TXNDC16: variants seen among roughly 807,000 people sequenced by gnomAD.
The protein encoded by TXNDC16 is thioredoxin domain-containing protein 16.
In TXNDC16, 74 loss-of-function variants were observed where a neutral mutation model predicts 85.6. The ratio of observed to expected loss-of-function variants is 0.86; its 90% CI spans 0.72 to 1.05. The LOEUF (loss-of-function observed/expected upper bound fraction) is 1.05, where lower values mean the gene tolerates loss of function less well. TXNDC16 is among the 50% of genes least tolerant of loss of function. The pLI is 0.00. For missense variants in TXNDC16, 959 were observed against 947.0 expected (o/e 1.01, Z -0.17); for synonymous variants, 335 against 326.5 (o/e 1.03, Z -0.28).
At chr14:52,504,047 C>A (rs139321038) in intron 9 of TXNDC16, among the ~76,000 whole-genome samples, 2,035 of 152,240 alleles carry the variant, frequency 0.013, 44 homozygotes, top group African/African-American at 0.046. Flanking sequence ...AAGAACAAAG[C>A]ATCCAAGAAA....
intron 17 of TXNDC16, among the ~76,000 whole-genome samples, chr14:52,456,318 G>C (rs1412737542): frequency 6.6e-6 from 1 of 152,152 alleles, no homozygotes. Flanking sequence ...AATGACAGCA[G>C]AGTAGAAGAT....
intron 6 of TXNDC16, among the ~76,000 whole-genome samples, chr14:52,528,967 T>A (rs998067058): frequency 6.1e-5 from 9 of 147,768 alleles, no homozygotes; most frequent in African/African-American, 2.2e-4. Flanking sequence ...ATCTATATAA[T>A]ACCTATTCTA....
chr14:52,493,193 CTATATATA>C (rs555994196), intron 9 of TXNDC16, among the ~76,000 whole-genome samples: 1 of 126,128 alleles, frequency 7.9e-6, no homozygotes, highest in East Asian at 2.3e-4. Flanking sequence ...TGTCACTGTT[CTATATATA>C]TATATATATA....
At chr14:52,528,012 T>C (rs1406987409) in intron 6 of TXNDC16, among the ~76,000 whole-genome samples, 1 of 152,114 alleles carries the variant, frequency 6.6e-6, no homozygotes, top group Non-Finnish European at 1.5e-5. Context: ...AGGTACATAA[T>C]TGACAATAAT....
At chr14:52,536,935 T>C in intron 5 of TXNDC16, 142 bp from the exon 6 acceptor site, 2 of 623,612 alleles carry the variant, frequency 3.2e-6, no homozygotes, top group African/African-American at 1.8e-5. Flanking sequence ...TCCACATACC[T>C]ACCAGCGTCC....
chr14:52,545,626 G>A (rs1024661674), intron 1 of TXNDC16, among the ~76,000 whole-genome samples: 1 of 152,084 alleles, frequency 6.6e-6, no homozygotes, highest in African/African-American at 2.4e-5. Context: ...AAATGAAAGA[G>A]AACTAAATTT....
chr14:52,486,559 TGATTCC>T (rs958102315), intron 12 of TXNDC16, among the ~76,000 whole-genome samples: 1 of 152,176 alleles, frequency 6.6e-6, no homozygotes, highest in African/African-American at 2.4e-5. Flanking sequence ...TTTTTCATTC[TGATTCC>T]ATTTTGCTGA....
At chr14:52,514,054 T>G (rs1039735010) in intron 8 of TXNDC16, among the ~76,000 whole-genome samples, 1 of 152,154 alleles carries the variant, frequency 6.6e-6, no homozygotes, top group Non-Finnish European at 1.5e-5. Flanking sequence ...GAAAAAGGAA[T>G]GCTGGTCAAT....
At chr14:52,529,701 A>T (rs33997980) in intron 6 of TXNDC16, among the ~76,000 whole-genome samples, 4,001 of 38,934 alleles carry the variant, frequency 0.1, 331 homozygotes, top group East Asian at 0.23. Context: ...ATTATATATA[A>T]TATATATAAT....
chr14:52,533,183 C>A (rs966663525), intron 6 of TXNDC16, among the ~76,000 whole-genome samples: 2 of 152,140 alleles, frequency 1.3e-5, no homozygotes, highest in African/African-American at 2.4e-5. Flanking sequence ...GCATGATGGA[C>A]TTTCCACTTG....
At chr14:52,445,609 C>T (rs11627902) in intron 18 of TXNDC16, among the ~76,000 whole-genome samples, 13,028 of 152,232 alleles carry the variant, frequency 0.086, 619 homozygotes, top group South Asian at 0.14. Context: ...AGTCATGCAT[C>T]GCATGATGTT....
intron 12 of TXNDC16, among the ~76,000 whole-genome samples, chr14:52,484,287 C>A (rs11157913): frequency 0.46 from 70,178 of 151,472 alleles, 16,590 homozygotes; most frequent in East Asian, 0.7. Context: ...CTATTATTCT[C>A]TCTCCGTATG....
At chr14:52,533,768 GC>G (rs1048657010) in intron 6 of TXNDC16, among the ~76,000 whole-genome samples, 2 of 152,138 alleles carry the variant, frequency 1.3e-5, no homozygotes, top group African/African-American at 2.4e-5. Flanking sequence ...CAAACAACAG[GC>G]CCCACTTCTT....
chr14:52,549,311 A>T (rs905514247), intron 1 of TXNDC16, among the ~76,000 whole-genome samples: 20 of 152,252 alleles, frequency 1.3e-4, no homozygotes, highest in African/African-American at 4.8e-4. Context: ...GTGACATGTA[A>T]CTAAAGACTA....
Position 52,440,701 on chromosome 14 carries a change from A to G in TXNDC16, c.1866T>C (p.Leu622=), listed in dbSNP as rs146116969. Residue 622 remains leucine (L), a synonymous_variant, in exon 19 of 21, where the codon CTT becomes CTC. Coordinates refer to ENST00000281741, the MANE Select transcript of TXNDC16 (RefSeq NM_020784.3). ...EMFPEITVEN[L]PSYFRLQKPL... ...GTTTCTGAAGTCTGAAATAACTGGG[A>G]AGATTTTCCACAGTGATTTCCGGCT... is the stretch of plus-strand genomic sequence containing the variant. 9 of 1,606,530 alleles carry G rather than the reference A, an allele frequency of 5.6e-6. No individual in the cohort carries two copies. The African/African-American group carries it at 6.7e-5, about 12-fold the overall frequency.
At chr14:52,536,630 T>A in intron 6 of TXNDC16, 89 bp downstream of exon 6, 2 of 1,140,928 alleles carry the variant, frequency 1.8e-6, no homozygotes, top group South Asian at 3.1e-5. Context: ...GTTAAAACCC[T>A]GAAATATTTT....
At chr14:52,448,298 A>G (rs1343126207) in intron 18 of TXNDC16, among the ~76,000 whole-genome samples, 2 of 152,050 alleles carry the variant, frequency 1.3e-5, no homozygotes, top group African/African-American at 4.8e-5. Flanking sequence ...AGCAAGAGAA[A>G]AGAAATACAA....
intron 8 of TXNDC16, among the ~76,000 whole-genome samples, chr14:52,512,076 T>A (rs1243459752): frequency 6.6e-6 from 1 of 152,210 alleles, no homozygotes; most frequent in East Asian, 1.9e-4. Flanking sequence ...ATTTTTAAAA[T>A]GCTATTTTAA....
chr14:52,449,289 G>T (rs921180923), intron 18 of TXNDC16, among the ~76,000 whole-genome samples: 1 of 151,982 alleles, frequency 6.6e-6, no homozygotes, highest in Non-Finnish European at 1.5e-5. Context: ...AAAAAGAGCA[G>T]GAGTCGTTAT....
Sources: allele counts gnomAD v4.1 joint callset (sites outside exome capture counted in the v4.1 genomes callset), GRCh38; gene constraint gnomAD v4.1.1; transcripts MANE v1.5; gene names NCBI Gene and HGNC (gene_info 2026-07-23, HGNC 2026-07-21).